UBE3A: variants seen among roughly 807,000 people sequenced by gnomAD.
UBE3A encodes ubiquitin-protein ligase E3A.
Under a neutral mutation model 83.4 loss-of-function variants are expected in UBE3A, and 6 were observed. That is an observed-to-expected ratio of 0.07 (90% CI 0.04 to 0.14). The LOEUF (loss-of-function observed/expected upper bound fraction) is 0.14, where lower values mean the gene tolerates loss of function less well. Among genes scored for constraint, UBE3A ranks in the 10% least tolerant of loss-of-function variants. UBE3A has a pLI of 1.00. For synonymous variants in UBE3A, 337 were observed against 355.4 expected (o/e 0.95, Z 0.58); for missense variants, 456 against 1,036.1 (o/e 0.44, Z 7.69).
At chr15:25,381,291 A>G (rs1039484982) in intron 4 of UBE3A, among the ~76,000 whole-genome samples, 2 of 152,218 alleles carry the variant, frequency 1.3e-5, no homozygotes, top group African/African-American at 4.8e-5. Context: ...ATGAATTTAC[A>G]AGACAACTGG....
intron 1 of UBE3A, among the ~76,000 whole-genome samples, chr15:25,430,552 C>T (rs1196323611): frequency 6.6e-6 from 1 of 151,404 alleles, no homozygotes; most frequent in Non-Finnish European, 1.5e-5. Flanking sequence ...TCAGCACAGG[C>T]ATAGGCAGTA....
chr15:25,408,777 T>G, intron 3 of UBE3A: 1 of 1,022,456 alleles, frequency 9.8e-7, no homozygotes, highest in Non-Finnish European at 1.4e-6. Flanking sequence ...AGGCATACTT[T>G]AAAATGCATA....
intron 5 of UBE3A, chr15:25,374,047 ATAAT>A (rs557368698): frequency 3.8e-4 from 58 of 152,384 alleles, no homozygotes; most frequent in Admixed American, 1.2e-3. Flanking sequence ...GTTAACAAAC[ATAAT>A]TAATAATCAA....
intron 1 of UBE3A, among the ~76,000 whole-genome samples, chr15:25,413,936 T>C (rs904101997): frequency 1.3e-5 from 2 of 152,188 alleles, no homozygotes; most frequent in African/African-American, 2.4e-5. Context: ...ACCTCATACA[T>C]GGCCTCTCTC....
chr15:25,405,412 CT>C (rs2088262660), intron 4 of UBE3A, 48 bp downstream of exon 4: 1 of 1,595,166 alleles, frequency 6.3e-7, no homozygotes, highest in African/African-American at 1.3e-5. Context: ...TTAAAGCAGT[CT>C]AGGGCAACTC....
At chr15:25,433,353 T>G (rs1297728683) in intron 1 of UBE3A, among the ~76,000 whole-genome samples, 4 of 152,234 alleles carry the variant, frequency 2.6e-5, no homozygotes, top group African/African-American at 9.6e-5. Context: ...CCGGCTAATT[T>G]TTTTTTTGTA....
At chr15:25,400,723 TC>T (rs2086873889) in intron 4 of UBE3A, among the ~76,000 whole-genome samples, 1 of 152,226 alleles carries the variant, frequency 6.6e-6, no homozygotes, top group South Asian at 2.1e-4. Flanking sequence ...TTTAGGTTTT[TC>T]TATATACAAG....
chr15:25,343,058 G>A (rs1352826839), intron 11 of UBE3A, among the ~76,000 whole-genome samples: 1 of 152,070 alleles, frequency 6.6e-6, no homozygotes, highest in South Asian at 2.1e-4. Context: ...TCAGAAAGTG[G>A]TGATTCTGCC....
At chr15:25,428,589 G>C (rs1417022810) in intron 1 of UBE3A, among the ~76,000 whole-genome samples, 1 of 152,170 alleles carries the variant, frequency 6.6e-6, no homozygotes, top group Non-Finnish European at 1.5e-5. Context: ...GTACGATAGT[G>C]TGCCTTTCCT....
At chr15:25,387,673 A>G (rs1303499678) in intron 4 of UBE3A, among the ~76,000 whole-genome samples, 1 of 152,226 alleles carries the variant, frequency 6.6e-6, no homozygotes, top group Non-Finnish European at 1.5e-5. Context: ...ATAGAGAAAA[A>G]TCAAAGAAAT....
intron 11 of UBE3A, chr15:25,353,919 C>A: frequency 4.3e-6 from 1 of 232,454 alleles, no homozygotes; most frequent in Non-Finnish European, 8.5e-6. Flanking sequence ...TAGTATGTAT[C>A]TGGACATATT....
rs564884250 is a variant in UBE3A at position 25,364,809 on chromosome 15, A to AT, written c.1609-4283dup. Reference sequence around the variant, plus strand: ...CAGGCGCCTGCCACCGCGCCTGGCTATTTTTTTTTGTATTTTTTAGTAGAG... The same window carrying AT: ...CAGGCGCCTGCCACCGCGCCTGGCTATTTTTTTTTTGTATTTTTTAGTAGAG... On this transcript the variant is annotated intron_variant, in intron 6 of 12. Transcript: ENST00000648336. Among the ~76,000 whole-genome samples the AT allele has an allele frequency of 4.3e-3, 649 of 150,182 alleles. 3 individuals carry two copies. Among genetic ancestry groups the AT allele is most frequent in the Non-Finnish European group, 7.2e-3 (487 of 67,414 alleles).
chr15:25,402,244 C>G (rs7167529), intron 4 of UBE3A, among the ~76,000 whole-genome samples: 4 of 152,072 alleles, frequency 2.6e-5, no homozygotes, highest in African/African-American at 9.6e-5. Context: ...CTGAGTCTAC[C>G]GGGGCTGGCC....
At chr15:25,349,992 G>A (rs1329882862) in intron 11 of UBE3A, among the ~76,000 whole-genome samples, 1 of 152,190 alleles carries the variant, frequency 6.6e-6, no homozygotes, top group Non-Finnish European at 1.5e-5. Flanking sequence ...TTGGCTGGGT[G>A]CAGTGGCTCA....
chr15:25,337,275 C>T lies in UBE3A; in HGVS notation c.*1862G>A, dbSNP rs2074017511. On this transcript the variant is annotated 3_prime_UTR_variant, in exon 13 of 13. Transcript: ENST00000648336. The stretch of plus-strand genomic sequence containing the variant: ...CTTCACGAATTTATTATATAAAACG[C>T]CCTCAGAGTATTTAATTTCTCCTCA... The T allele has an allele frequency of 6.6e-6, 1 of 152,048 alleles. No individual in the cohort carries two copies. The highest frequency in any genetic ancestry group is 1.5e-5 in the Non-Finnish European group (1 of 68,000). 9.4% of individuals were successfully genotyped at this position (152,048 alleles called of 1,614,324 possible). A position where few individuals can be genotyped will look rare whatever the true frequency, so the allele number is the denominator to read the frequency against.
At chr15:25,407,873 A>C (rs548430564) in intron 3 of UBE3A, 2 of 150,070 alleles carry the variant, frequency 1.3e-5, no homozygotes, top group East Asian at 4.0e-4. Context: ...ACTCATCCTA[A>C]TAACAGTATA....
At chr15:25,378,982 T>TA (rs976974995) in intron 4 of UBE3A, among the ~76,000 whole-genome samples, 2 of 152,158 alleles carry the variant, frequency 1.3e-5, no homozygotes, top group African/African-American at 4.8e-5. Flanking sequence ...CCTTAACAGT[T>TA]AAGAGCTCGC....
At chr15:25,357,875 T>A (rs1179286256) in intron 7 of UBE3A, among the ~76,000 whole-genome samples, 1 of 151,314 alleles carries the variant, frequency 6.6e-6, no homozygotes, top group Non-Finnish European at 1.5e-5. Context: ...CACATGGTCT[T>A]CACTATGCAA....
In UBE3A at chr15:25,371,181, G is replaced by C; in HGVS notation, c.993C>G (p.Asp331Glu). The change falls in exon 6 of 13, where the codon GAC becomes GAG. Residue 331 changes from aspartate to glutamate, a missense_variant. Asp to Glu is a conservative substitution (Grantham distance 45, BLOSUM62 2). This residue lies in a region of UBE3A where 85 missense variants were observed against 137.0 expected (regional missense o/e 0.62). Coordinates refer to ENST00000648336, the MANE Select transcript of UBE3A (RefSeq NM_130839.5). This position sits in a 1 kb window ranked among gnomAD's most constrained non-coding sequence, Gnocchi z 5.3. ...ATGTCTCCATCATTCTCCGAATCTG[G>C]TCTGCATTGTATTTAGACCACAGTC... ...LIRLWSKYNADQIRRMMETFQ... is the reference protein window; with the variant it reads ...LIRLWSKYNAEQIRRMMETFQ... 6.2e-7 allele frequency: 1 copy of C among 1,614,060 alleles called. No individual in the cohort carries two copies. Among genetic ancestry groups the C allele is most frequent in the Non-Finnish European group, 8.5e-7 (1 of 1,180,016 alleles).
Sources: gnomAD v4.1 joint callset for allele counts (sites outside exome capture counted in the v4.1 genomes callset) on GRCh38, gnomAD v4.1.1 for gene constraint, gnomAD v4.1.1 regional missense constraint, Gnocchi (gnomAD v3.1) non-coding constraint, MANE v1.5 for transcripts, NCBI Gene and HGNC (gene_info 2026-07-23, HGNC 2026-07-21) for gene names.